Variants in SDCCAG8 observed in about 807,000 individuals in gnomAD.
The protein encoded by SDCCAG8 is serologically defined colon cancer antigen 8.
Under a neutral mutation model 101.8 loss-of-function variants are expected in SDCCAG8, and 74 were observed. The ratio of observed to expected loss-of-function variants is 0.73; its 90% confidence interval spans 0.60 to 0.88. The LOEUF is 0.88. SDCCAG8 is among the 40% of genes least tolerant of loss of function. The pLI is 0.00. For synonymous variants in SDCCAG8, 281 were observed against 292.9 expected (o/e 0.96, Z 0.41); for missense variants, 787 against 822.6 (o/e 0.96, Z 0.53).
intron 16 of SDCCAG8, among the ~76,000 whole-genome samples, chr1:243,465,778 C>CT (rs1393177829): frequency 1.3e-5 from 2 of 152,136 alleles, no homozygotes; most frequent in African/African-American, 4.8e-5. Context: ...TGTATTAACA[C>CT]TTTTTTCTGT....
At chr1:243,370,708 T>C (rs1228374030) in intron 12 of SDCCAG8, among the ~76,000 whole-genome samples, 3 of 152,142 alleles carry the variant, frequency 2.0e-5, no homozygotes, top group African/African-American at 7.2e-5. Flanking sequence ...AACACTTGTT[T>C]TGGCTGAGAG....
intron 17 of SDCCAG8, among the ~76,000 whole-genome samples, chr1:243,493,335 T>C (rs1426025785): frequency 6.6e-6 from 1 of 152,060 alleles, no homozygotes; most frequent in East Asian, 1.9e-4. Context: ...GCCTGGGGGC[T>C]CTAACATCTG....
At position 243,308,161 on chromosome 1, in the gene SDCCAG8, A is replaced by AT; in HGVS notation, c.914dup (p.Glu306ArgfsTer5). The stretch of plus-strand genomic sequence containing the variant: ...CCATACTAATGTTCATATGCAGACC[A>AT]TCGAAAGACTGGTTAAGTAAGTATG... On this transcript the variant is annotated frameshift_variant, in exon 8 of 18. Transcript: ENST00000366541. LOFTEE classifies it high-confidence loss of function. The AT allele has an allele frequency of 6.2e-7, 1 of 1,614,188 alleles. No homozygotes were observed. The highest frequency in any genetic ancestry group is 1.6e-4 in the Middle Eastern group (1 of 6,062).
In SDCCAG8 at chr1:243,259,428, CA is replaced by C. The variant is rs563124450; in HGVS notation, c.67+3193del. On this transcript the variant is annotated intron_variant, in intron 1 of 17. Coordinates refer to ENST00000366541, the MANE Select transcript of SDCCAG8 (RefSeq NM_006642.5). ...TCTCAAAAAACAACAAAAACAAAAA[CA>C]AAAACAAATTTCCTTATTTCTTTAA... Among the ~76,000 whole-genome samples, 22 of 151,790 alleles carry C rather than the reference CA, an allele frequency of 1.4e-4. No homozygotes were observed. The South Asian group carries it at 4.2e-3, about 29-fold the overall frequency.
intron 13 of SDCCAG8, among the ~76,000 whole-genome samples, chr1:243,394,370 C>T (rs1243903887): frequency 6.6e-6 from 1 of 152,200 alleles, no homozygotes; most frequent in Non-Finnish European, 1.5e-5. Context: ...CATTTAGTCT[C>T]TTCTTACTCT....
At chr1:243,440,996 A>G (rs919310302) in intron 16 of SDCCAG8, among the ~76,000 whole-genome samples, 2 of 152,174 alleles carry the variant, frequency 1.3e-5, no homozygotes, top group Non-Finnish European at 2.9e-5. Context: ...AAAAATGGCC[A>G]TTATCCATAA....
chr1:243,308,753 G>A (rs986980200), intron 8 of SDCCAG8, among the ~76,000 whole-genome samples: 11 of 152,116 alleles, frequency 7.2e-5, no homozygotes, highest in African/African-American at 1.7e-4. Context: ...AATTCTCTTC[G>A]TACATCTGTT....
intron 12 of SDCCAG8, among the ~76,000 whole-genome samples, chr1:243,370,994 G>C (rs1041944783): frequency 6.6e-6 from 1 of 152,192 alleles, no homozygotes; most frequent in African/African-American, 2.4e-5. Context: ...GTAGACAGTG[G>C]GACTTGAGGC....
intron 4 of SDCCAG8, among the ~76,000 whole-genome samples, chr1:243,281,705 G>A (rs976618652): frequency 4.5e-5 from 6 of 132,594 alleles, no homozygotes; most frequent in African/African-American, 1.4e-4. Context: ...AGGCAGTGAC[G>A]TAATCAAAGC....
At chr1:243,274,077 A>G (rs2068315144) in intron 3 of SDCCAG8, among the ~76,000 whole-genome samples, 1 of 152,208 alleles carries the variant, frequency 6.6e-6, no homozygotes, top group Admixed American at 6.5e-5. Context: ...TGCAGGCTGT[A>G]TAGGAAGTGT....
In SDCCAG8 at chr1:243,261,404, G is replaced by A. The variant is rs142681843; in HGVS notation, c.67+5164G>A. Reference sequence around the variant, plus strand: ...GTTGAACCAGGTACACAGAAAGTGAGAGGATGAATATGAGAAGAAAATATA... The same window carrying A: ...GTTGAACCAGGTACACAGAAAGTGAAAGGATGAATATGAGAAGAAAATATA... On this transcript the variant is annotated intron_variant, in intron 1 of 17. Coordinates refer to ENST00000366541, the MANE Select transcript of SDCCAG8 (RefSeq NM_006642.5). Among the ~76,000 whole-genome samples the A allele has an allele frequency of 3.7e-3, 565 of 152,368 alleles. 2 individuals carry two copies. The highest frequency in any genetic ancestry group is 0.013 in the African/African-American group (540 of 41,590).
intron 16 of SDCCAG8, among the ~76,000 whole-genome samples, chr1:243,447,743 T>C (rs2083044999): frequency 6.6e-6 from 1 of 152,224 alleles, no homozygotes; most frequent in Non-Finnish European, 1.5e-5. Context: ...CATTGATAAG[T>C]CTTCAGAATT....
intron 12 of SDCCAG8, among the ~76,000 whole-genome samples, chr1:243,369,084 C>T (rs1035188365): frequency 1.4e-4 from 22 of 152,024 alleles, no homozygotes; most frequent in Admixed American, 2.6e-4. Context: ...ATTTAATGGT[C>T]TACATGGATT....
intron 16 of SDCCAG8, among the ~76,000 whole-genome samples, chr1:243,481,310 T>C (rs1206248622): frequency 6.6e-6 from 1 of 152,168 alleles, no homozygotes; most frequent in Non-Finnish European, 1.5e-5. Context: ...TGAGTCGCAC[T>C]GTGGGCCTTG....
chr1:243,296,072 T>C (rs758903648), intron 6 of SDCCAG8, among the ~76,000 whole-genome samples: 12 of 152,164 alleles, frequency 7.9e-5, no homozygotes, highest in Non-Finnish European at 1.8e-4. Context: ...CTCAGCTCAC[T>C]GCAACCTGTA....
intron 1 of SDCCAG8, chr1:243,267,203 A>G (rs1454786721): frequency 1.1e-5 from 2 of 175,266 alleles, no homozygotes; most frequent in Non-Finnish European, 2.4e-5. Flanking sequence ...AGATCGCACC[A>G]CTACACTGCA....
chr1:243,283,066 T>C (rs1014621517), intron 4 of SDCCAG8, among the ~76,000 whole-genome samples: 4 of 152,098 alleles, frequency 2.6e-5, no homozygotes, highest in African/African-American at 9.7e-5. Flanking sequence ...AGGCTGGTTT[T>C]GAACTCCTGA....
At chr1:243,494,788 A>G (rs1667395086) in intron 17 of SDCCAG8, among the ~76,000 whole-genome samples, 1 of 152,216 alleles carries the variant, frequency 6.6e-6, no homozygotes, top group African/African-American at 2.4e-5. Context: ...CACAATCAAG[A>G]TTTTAAAGGG....
intron 9 of SDCCAG8, among the ~76,000 whole-genome samples, chr1:243,322,557 A>C (rs183872898): frequency 6.6e-6 from 1 of 152,200 alleles, no homozygotes; most frequent in Non-Finnish European, 1.5e-5. Context: ...CCTTGGTTAC[A>C]AAATCTCTGG....
Sources: gnomAD v4.1 joint callset for allele counts (sites outside exome capture counted in the v4.1 genomes callset) on GRCh38, gnomAD v4.1.1 for gene constraint, MANE v1.5 for transcripts, NCBI Gene and HGNC (gene_info 2026-07-23, HGNC 2026-07-21) for gene names.